Variants in ADAMTS3 observed in about 807,000 individuals in gnomAD.
ADAMTS3 encodes A disintegrin and metalloproteinase with thrombospondin motifs 3.
In ADAMTS3, 73 loss-of-function variants were observed where a neutral mutation model predicts 129.0. That is an observed-to-expected ratio of 0.57 (90% CI 0.47 to 0.69). The LOEUF is 0.69. Among genes scored for constraint, ADAMTS3 ranks in the 30% least tolerant of loss-of-function variants. The pLI, the probability that ADAMTS3 is intolerant of heterozygous loss-of-function variation, is 0.00. For synonymous variants in ADAMTS3, 477 were observed against 510.8 expected, an observed-to-expected ratio of 0.93 and a Z score of 0.89; for missense variants, 1,457 against 1,514.5, an observed-to-expected ratio of 0.96 and a Z score of 0.63.
At position 72,399,814 on chromosome 4, in the gene ADAMTS3, G is replaced by GGTGTGTACGCATAT. The variant is rs1553912209; in HGVS notation, c.661+15000_661+15001insATATGCGTACACAC. ...TATGTGTGTATATATATACACACAC[G>GGTGTGTACGCATAT]GTGTGTATATACGTGTGTATATATA... On this transcript the variant is annotated intron_variant, in intron 4 of 21. Coordinates refer to ENST00000286657, the MANE Select transcript of ADAMTS3 (RefSeq NM_014243.3). Among the ~76,000 whole-genome samples the GGTGTGTACGCATAT allele has an allele frequency of 2.7e-4, 36 of 132,476 alleles. 4 individuals are homozygous for GGTGTGTACGCATAT. The highest frequency in any genetic ancestry group is 4.5e-4 in the Admixed American group (6 of 13,336). The allele number at this position is 132,476 out of a possible 152,430, so 86.9% of individuals were successfully genotyped here.
At chr4:72,392,114 G>A (rs1248837477) in intron 4 of ADAMTS3, among the ~76,000 whole-genome samples, 1 of 152,158 alleles carries the variant, frequency 6.6e-6, no homozygotes, top group Non-Finnish European at 1.5e-5. Flanking sequence ...AAGTGCAACA[G>A]AGAAGTGACC....
chr4:72,350,972 C>T (rs564609534), intron 4 of ADAMTS3, among the ~76,000 whole-genome samples: 3 of 152,040 alleles, frequency 2.0e-5, no homozygotes, highest in South Asian at 4.2e-4. Flanking sequence ...TTCCTCTCTC[C>T]AGGCTCTCAG....
intron 4 of ADAMTS3, among the ~76,000 whole-genome samples, chr4:72,341,790 ATC>A (rs1720143821): frequency 6.6e-6 from 1 of 152,194 alleles, no homozygotes; most frequent in African/African-American, 2.4e-5. Context: ...AGGAAACAGA[ATC>A]TCTCTTTTTA....
At chr4:72,504,684 C>T (rs746003886) in intron 3 of ADAMTS3, among the ~76,000 whole-genome samples, 10 of 152,158 alleles carry the variant, frequency 6.6e-5, no homozygotes, top group Non-Finnish European at 1.2e-4. Flanking sequence ...TCTTTCTCTA[C>T]CTCCTCTCAG....
intron 4 of ADAMTS3, among the ~76,000 whole-genome samples, chr4:72,386,072 T>C (rs1578634688): frequency 6.6e-6 from 1 of 152,246 alleles, no homozygotes; most frequent in Admixed American, 6.5e-5. Flanking sequence ...TATATGGGTA[T>C]ATACTTGCTA....
At chr4:72,389,747 T>C (rs1721539837) in intron 4 of ADAMTS3, among the ~76,000 whole-genome samples, 1 of 152,130 alleles carries the variant, frequency 6.6e-6, no homozygotes, top group Non-Finnish European at 1.5e-5. Context: ...AGATAATGGG[T>C]ACCATAACAG....
intron 4 of ADAMTS3, among the ~76,000 whole-genome samples, chr4:72,368,431 G>T (rs2109863797): frequency 6.6e-6 from 1 of 152,268 alleles, no homozygotes; most frequent in Middle Eastern, 3.4e-3. Context: ...TTTAAAAAAA[G>T]AAGAAATTAG....
chr4:72,308,998 G>A (rs1719158685), intron 15 of ADAMTS3, among the ~76,000 whole-genome samples: 1 of 151,854 alleles, frequency 6.6e-6, no homozygotes, highest in Admixed American at 6.6e-5. Context: ...TTTAAAAGTT[G>A]TATCTAAAAT....
At chr4:72,537,537 A>G (rs1721212671) in intron 3 of ADAMTS3, among the ~76,000 whole-genome samples, 1 of 152,174 alleles carries the variant, frequency 6.6e-6, no homozygotes, top group Non-Finnish European at 1.5e-5. Flanking sequence ...CTCAGAAAAG[A>G]CCTGAGAAGA....
At chr4:72,331,839 C>T (rs1719860936) in intron 5 of ADAMTS3, among the ~76,000 whole-genome samples, 1 of 152,164 alleles carries the variant, frequency 6.6e-6, no homozygotes, top group South Asian at 2.1e-4. Flanking sequence ...CATTATTTGC[C>T]AAACCATATC....
At chr4:72,435,994 T>G (rs1461744107) in intron 3 of ADAMTS3, among the ~76,000 whole-genome samples, 4 of 151,860 alleles carry the variant, frequency 2.6e-5, no homozygotes, top group African/African-American at 9.7e-5. Context: ...AAAGACAAAA[T>G]TGACAAATGG....
At chr4:72,424,316 ATT>A (rs2109937461) in intron 3 of ADAMTS3, among the ~76,000 whole-genome samples, 1 of 152,216 alleles carries the variant, frequency 6.6e-6, no homozygotes, top group Non-Finnish European at 1.5e-5. Flanking sequence ...AACATTAGAC[ATT>A]ACCATTTCAG....
At chr4:72,364,903 A>T (rs57094193) in intron 4 of ADAMTS3, among the ~76,000 whole-genome samples, 7,016 of 152,108 alleles carry the variant, frequency 0.046, 537 homozygotes, top group African/African-American at 0.16. Flanking sequence ...CTTTGAAAAA[A>T]ATATAGCACT....
rs372655516 is a variant in ADAMTS3, at chr4:72,529,978, A to ATATATCATATATTATATTTATATATAAT, written c.504+18499_504+18500insATTATATATAAATATAATATATGATATA. 3.0e-4 allele frequency among the ~76,000 whole-genome samples: 2 copies of ATATATCATATATTATATTTATATATAAT among 6,724 alleles called. 1 individual carries two copies. Among genetic ancestry groups the ATATATCATATATTATATTTATATATAAT allele is most frequent in the Non-Finnish European group, 4.5e-4 (2 of 4,450 alleles). The allele number at this position is 6,724 out of a possible 152,430, so 4.4% of individuals were successfully genotyped here. On this transcript the variant is annotated intron_variant, in intron 3 of 21. Transcript: ENST00000286657. ...ATATAATATATTATATTTATATATA[A>ATATATCATATATTATATTTATATATAAT]ATATAATATATTATATTTATATATA...
intron 5 of ADAMTS3, among the ~76,000 whole-genome samples, chr4:72,335,541 T>C (rs935116737): frequency 6.6e-6 from 1 of 152,126 alleles, no homozygotes; most frequent in African/African-American, 2.4e-5. Context: ...AAAAACAACT[T>C]AAACGTTCTA....
In ADAMTS3 at chr4:72,558,768, T is replaced by C. The variant is rs145897437; in HGVS notation, c.97+8606A>G. Among the ~76,000 whole-genome samples the C allele has an allele frequency of 2.6e-5, 4 of 151,802 alleles. No individual in the cohort carries two copies. The East Asian group carries it at 5.8e-4, about 22-fold the overall frequency. On this transcript the variant is annotated intron_variant, in intron 2 of 21. Coordinates refer to ENST00000286657, the MANE Select transcript of ADAMTS3 (RefSeq NM_014243.3). ...CACCGATTTCCCTTCAGGTTAACCA[T>C]GTCATACTCCAGTCACACTCCTTAC... is the stretch of plus-strand genomic sequence containing the variant.
chr4:72,545,443 G>A (rs1306326662), intron 3 of ADAMTS3, among the ~76,000 whole-genome samples: 1 of 152,142 alleles, frequency 6.6e-6, no homozygotes, highest in Non-Finnish European at 1.5e-5. Context: ...AGGGAGCAAT[G>A]AAGTCAACAG....
chr4:72,324,314 G>C (rs945800326), intron 5 of ADAMTS3, among the ~76,000 whole-genome samples: 2 of 152,078 alleles, frequency 1.3e-5, no homozygotes, highest in Admixed American at 6.6e-5. Flanking sequence ...AGACCAAGAA[G>C]TCTCAATTGA....
At chr4:72,425,778 G>A (rs62319886) in intron 3 of ADAMTS3, among the ~76,000 whole-genome samples, 2 of 151,514 alleles carry the variant, frequency 1.3e-5, no homozygotes, top group Non-Finnish European at 2.9e-5. Flanking sequence ...ATTGTGAATA[G>A]TGCCACAATA....
Sources: gnomAD v4.1 joint callset for allele counts (sites outside exome capture counted in the v4.1 genomes callset) on GRCh38, gnomAD v4.1.1 for gene constraint, MANE v1.5 for transcripts, NCBI Gene and HGNC (gene_info 2026-07-23, HGNC 2026-07-21) for gene names.